The following LRRFIP2 variants were observed in gnomAD, a reference collection of about 807,000 sequenced individuals.
LRRFIP2 encodes the protein LRR binding FLII interacting protein 2, also known as leucine-rich repeat flightless-interacting protein 2.
LRRFIP2 carries 109 observed loss-of-function variants against 125.9 expected under a neutral mutation model. The observed-to-expected ratio is 0.87, with a 90% CI of 0.74 to 1.01. The LOEUF (loss-of-function observed/expected upper bound fraction) is 1.01, where lower values mean the gene tolerates loss of function less well. LRRFIP2 is among the 50% of genes least tolerant of loss of function. The pLI is 0.00. For synonymous variants in LRRFIP2, 291 were observed against 293.1 expected, an observed-to-expected ratio of 0.99 and a Z score of 0.07; for missense variants, 850 against 862.3, an observed-to-expected ratio of 0.99 and a Z score of 0.18.
At chr3:37,154,004 C>T (rs11712979) in intron 1 of LRRFIP2, among the ~76,000 whole-genome samples, 47,362 of 141,912 alleles carry the variant, frequency 0.33, 9,491 homozygotes, top group Non-Finnish European at 0.45. Flanking sequence ...TGGTGAAATT[C>T]TGTCTTTACA....
chr3:37,083,094 C>A (rs1335119537), intron 19 of LRRFIP2, among the ~76,000 whole-genome samples: 6 of 152,094 alleles, frequency 3.9e-5, no homozygotes, highest in Non-Finnish European at 8.8e-5. Flanking sequence ...TTGGACAATG[C>A]GTTATATTCT....
At chr3:37,123,927 T>C (rs1253233635) in intron 4 of LRRFIP2, among the ~76,000 whole-genome samples, 1 of 152,336 alleles carries the variant, frequency 6.6e-6, no homozygotes, top group South Asian at 2.1e-4. Context: ...TTATTAAGTA[T>C]TGATACATAG....
intron 2 of LRRFIP2, among the ~76,000 whole-genome samples, chr3:37,134,272 T>C (rs1247023055): frequency 1.3e-5 from 2 of 152,134 alleles, no homozygotes; most frequent in Non-Finnish European, 2.9e-5. Flanking sequence ...ACAGAACTTT[T>C]AAATTTGTAG....
At chr3:37,074,250 G>A (rs2091712654) in intron 20 of LRRFIP2, among the ~76,000 whole-genome samples, 1 of 152,182 alleles carries the variant, frequency 6.6e-6, no homozygotes, top group Non-Finnish European at 1.5e-5. Context: ...AAGTGTGGTT[G>A]TGAGATCTCT....
intron 13 of LRRFIP2, 77 bp downstream of exon 13, chr3:37,107,996 A>C (rs2094406996): frequency 8.3e-7 from 1 of 1,200,492 alleles, no homozygotes; most frequent in Admixed American, 1.8e-5. Flanking sequence ...CCATATCCTC[A>C]ATATTCTAAA....
rs570853290 is a variant in LRRFIP2, at chr3:37,055,845, G to A, written c.1871-680C>T. On this transcript the variant is annotated intron_variant, in intron 25 of 27. Coordinates refer to ENST00000336686, the MANE Select transcript of LRRFIP2 (RefSeq NM_006309.4). ...GACTGGGCCCTCTAGTTCCCTGAAC[G>A]CGGCCCCATGCCTTCCCATCTCCCA... is the stretch of plus-strand genomic sequence containing the variant. Among the ~76,000 whole-genome samples, 56 of 152,194 alleles carry A rather than the reference G, an allele frequency of 3.7e-4. 1 individual carries two copies. The Middle Eastern group carries it at 0.01, about 28-fold the overall frequency.
chr3:37,062,879 A>G (rs2089172441), intron 24 of LRRFIP2, among the ~76,000 whole-genome samples: 1 of 152,196 alleles, frequency 6.6e-6, no homozygotes, highest in Non-Finnish European at 1.5e-5. Context: ...GAAAGGCATG[A>G]GACACCGGAA....
At chr3:37,152,233 C>A (rs1577614636) in intron 1 of LRRFIP2, among the ~76,000 whole-genome samples, 2 of 152,030 alleles carry the variant, frequency 1.3e-5, no homozygotes, top group African/African-American at 4.8e-5. Context: ...TAATTGGGAG[C>A]TAAAATATAC....
intron 13 of LRRFIP2, among the ~76,000 whole-genome samples, chr3:37,106,696 A>T (rs1272387618): frequency 5.9e-5 from 9 of 152,060 alleles, no homozygotes; most frequent in Admixed American, 5.9e-4. Flanking sequence ...TAATCCCAGC[A>T]CTTTGGGAGG....
chr3:37,053,257 T>C lies in LRRFIP2; in HGVS notation c.*594A>G, dbSNP rs958190659. On this transcript the variant is annotated 3_prime_UTR_variant, in exon 28 of 28. Transcript: ENST00000336686. ...GTTTTATATACACTCCCCATATTTT[T>C]TTCTAACATTTTCTTATATAAATTT... is the stretch of plus-strand genomic sequence containing the variant. The C allele has an allele frequency of 5.2e-5, 8 of 152,894 alleles. No homozygotes were observed. Among genetic ancestry groups the C allele is most frequent in the African/African-American group, 1.7e-4 (7 of 41,456 alleles). 9.5% of individuals were successfully genotyped at this position (152,894 alleles called of 1,614,324 possible).
chr3:37,109,719 AAAAT>A lies in LRRFIP2; in HGVS notation c.514-20_514-17del. 1 of 1,612,796 alleles carries A rather than the reference AAAAT, an allele frequency of 6.2e-7. No individual in the cohort carries two copies. Among genetic ancestry groups the A allele is most frequent in the Non-Finnish European group, 8.5e-7 (1 of 1,179,152 alleles). On this transcript the variant is annotated splice_polypyrimidine_tract_variant and intron_variant, in intron 9 of 27. Transcript: ENST00000336686. ...AAGAAGACTGCTAAGAGACAAAAACAAAATAAATAAGCAAAAACAAAAACAAAGA... is the reference window on the plus strand; with the variant it reads ...AAGAAGACTGCTAAGAGACAAAAACAAAATAAGCAAAAACAAAAACAAAGA...
At chr3:37,061,421 T>G (rs2088676265) in intron 24 of LRRFIP2, among the ~76,000 whole-genome samples, 2 of 151,798 alleles carry the variant, frequency 1.3e-5, no homozygotes, top group Non-Finnish European at 2.9e-5. Flanking sequence ...TTTTTTTTTT[T>G]TGAGACAAAG....
rs959924332 is a variant in LRRFIP2 at position 37,116,291 on chromosome 3, C to A, written c.331-1196G>T. ...AGAACTACAGGAACATGCCACCATA[C>A]TTACCTAATTTTTTTTTTTTTAATT... On this transcript the variant is annotated intron_variant, in intron 6 of 27. Transcript: ENST00000336686. 2.8e-5 allele frequency among the ~76,000 whole-genome samples: 4 copies of A among 140,440 alleles called. No individual in the cohort carries two copies. In the South Asian group the frequency reaches 8.7e-4, roughly 30 times the overall value. 92.1% of individuals were successfully genotyped at this position (140,440 alleles called of 152,430 possible).
intron 19 of LRRFIP2, among the ~76,000 whole-genome samples, chr3:37,078,761 G>A (rs533252996): frequency 1.1e-4 from 16 of 152,128 alleles, no homozygotes; most frequent in Non-Finnish European, 2.2e-4. Context: ...TTCCAGGTCT[G>A]GGGCAGAAAA....
upstream of LRRFIP2, chr3:37,175,784 A>G (rs753202461): frequency 7.9e-5 from 12 of 152,254 alleles, no homozygotes; most frequent in Admixed American, 2.6e-4. Flanking sequence ...CAGCTGCCCA[A>G]TTTAATTTCT....
At chr3:37,084,287 G>A (rs2092874198) in intron 18 of LRRFIP2, among the ~76,000 whole-genome samples, 2 of 152,068 alleles carry the variant, frequency 1.3e-5, no homozygotes. Flanking sequence ...GCATAAAAAT[G>A]CCAACATAAA....
At chr3:37,093,877 C>A (rs1011386594) in intron 17 of LRRFIP2, among the ~76,000 whole-genome samples, 2 of 152,208 alleles carry the variant, frequency 1.3e-5, no homozygotes, top group Non-Finnish European at 2.9e-5. Flanking sequence ...CTGAATGCAT[C>A]TCTTTGAGGA....
chr3:37,140,496 T>A (rs1228401740), intron 2 of LRRFIP2: 3 of 152,016 alleles, frequency 2.0e-5, no homozygotes, highest in African/African-American at 7.2e-5. Flanking sequence ...CCTAGCACTT[T>A]GAGAGGCAGG....
intron 1 of LRRFIP2, among the ~76,000 whole-genome samples, chr3:37,160,294 G>C (rs2096301669): frequency 6.6e-6 from 1 of 152,018 alleles, no homozygotes; most frequent in South Asian, 2.1e-4. Flanking sequence ...CCTTTTCGAG[G>C]GAGGTCAAAA....
Sources: gnomAD v4.1 joint callset for allele counts (sites outside exome capture counted in the v4.1 genomes callset) on GRCh38, gnomAD v4.1.1 for gene constraint, MANE v1.5 for transcripts, NCBI Gene and HGNC (gene_info 2026-07-23, HGNC 2026-07-21) for gene names.